PRKN: variants seen among roughly 807,000 people sequenced by gnomAD.
PRKN encodes E3 ubiquitin-protein ligase parkin.
A neutral mutation model predicts 59.5 loss-of-function variants in PRKN; 56 were observed. The observed-to-expected ratio is 0.94, with a 90% confidence interval of 0.76 to 1.18. PRKN has a LOEUF of 1.18. Among genes scored for constraint, PRKN ranks in the 50% most tolerant of loss-of-function variants. The pLI is 0.00. For synonymous variants in PRKN, 250 were observed against 222.1 expected (o/e 1.13, Z -1.12); for missense variants, 657 against 596.4 (o/e 1.10, Z -1.06).
intron 8 of PRKN, among the ~76,000 whole-genome samples, chr6:161,565,335 C>T (rs538757802): frequency 2.1e-4 from 32 of 152,228 alleles, no homozygotes; most frequent in African/African-American, 7.5e-4. Context: ...TTATTCCCTC[C>T]TCACCCTCCT....
chr6:162,413,127 C>T (rs1788429862), intron 2 of PRKN, among the ~76,000 whole-genome samples: 1 of 152,166 alleles, frequency 6.6e-6, no homozygotes, highest in African/African-American at 2.4e-5. Context: ...TAAGACCAGT[C>T]TGGTCTGAAG....
intron 1 of PRKN, among the ~76,000 whole-genome samples, chr6:162,647,391 A>C (rs981430800): frequency 6.6e-6 from 1 of 152,112 alleles, no homozygotes; most frequent in Non-Finnish European, 1.5e-5. Context: ...GCTATTTTAG[A>C]CTTAACAAAT....
chr6:161,416,368 G>C (rs969454004), intron 9 of PRKN, among the ~76,000 whole-genome samples: 1 of 152,078 alleles, frequency 6.6e-6, no homozygotes, highest in Admixed American at 6.5e-5. Flanking sequence ...ACACACTGGG[G>C]GGCAGGAACT....
intron 6 of PRKN, among the ~76,000 whole-genome samples, chr6:161,797,122 TAA>T (rs913765613): frequency 6.6e-6 from 1 of 152,242 alleles, no homozygotes; most frequent in Non-Finnish European, 1.5e-5. Context: ...AGAGTGGTTT[TAA>T]AAAGATACAT....
chr6:162,204,833 T>C (rs1784867492), intron 3 of PRKN, among the ~76,000 whole-genome samples: 1 of 151,722 alleles, frequency 6.6e-6, no homozygotes, highest in Non-Finnish European at 1.5e-5. Context: ...TTCCTTAGCC[T>C]AAGAAGTCCA....
chr6:161,950,924 G>C (rs907431219), intron 6 of PRKN, among the ~76,000 whole-genome samples: 1 of 144,582 alleles, frequency 6.9e-6, no homozygotes, highest in Non-Finnish European at 1.5e-5. Context: ...AACAAGAATC[G>C]GAATGGCTGC....
chr6:161,874,950 G>A (rs1466023778), intron 6 of PRKN, among the ~76,000 whole-genome samples: 6 of 65,736 alleles, frequency 9.1e-5, no homozygotes, highest in Admixed American at 2.1e-4. Flanking sequence ...TATATTATAG[G>A]TACTTTATAT....
At chr6:162,300,734 C>G (rs1000510275) in intron 2 of PRKN, among the ~76,000 whole-genome samples, 1 of 152,078 alleles carries the variant, frequency 6.6e-6, no homozygotes, top group Non-Finnish European at 1.5e-5. Context: ...TTCACAGGAC[C>G]AACTAACAGG....
chr6:161,531,152 C>T lies in PRKN; in HGVS notation c.1083+17702G>A, dbSNP rs189838094. ...ATCCCAGCATTTTGGGAGGCTGAGG[C>T]GGGCAGATCACGAGGTCAGGAGATC... On this transcript the variant is annotated intron_variant, in intron 9 of 11. Coordinates refer to ENST00000366898, the MANE Select transcript of PRKN (RefSeq NM_004562.3). Among the ~76,000 whole-genome samples, 649 of 151,864 alleles carry T rather than the reference C, an allele frequency of 4.3e-3. 7 individuals are homozygous for T. Among genetic ancestry groups the T allele is most frequent in the Middle Eastern group, 0.017 (5 of 294 alleles).
Position 161,907,680 on chromosome 6 carries a change from C to G in PRKN, c.734+65622G>C, listed in dbSNP as rs568652891. Among the ~76,000 whole-genome samples the G allele has an allele frequency of 3.3e-5, 5 of 152,242 alleles. No homozygotes were observed. The South Asian group carries it at 1.0e-3, about 32-fold the overall frequency. On this transcript the variant is annotated intron_variant, in intron 6 of 11. Coordinates refer to ENST00000366898, the MANE Select transcript of PRKN (RefSeq NM_004562.3). ...GCATGAAAGTGACGTAAGACGTGAG[C>G]CAGGATGGTCTGTAGAGTTCGGACT...
chr6:161,886,004 C>T (rs1407438918), intron 6 of PRKN, among the ~76,000 whole-genome samples: 1 of 152,084 alleles, frequency 6.6e-6, no homozygotes, highest in East Asian at 1.9e-4. Context: ...GTGAAATGCT[C>T]TAGGTTTAAC....
At chr6:162,009,081 C>T (rs961133472) in intron 5 of PRKN, among the ~76,000 whole-genome samples, 4 of 151,796 alleles carry the variant, frequency 2.6e-5, no homozygotes, top group African/African-American at 4.9e-5. Context: ...GGTGAAACCC[C>T]GTCTTTACTA....
At chr6:162,070,493 G>T (rs1467573636) in intron 4 of PRKN, among the ~76,000 whole-genome samples, 1 of 152,092 alleles carries the variant, frequency 6.6e-6, no homozygotes, top group Non-Finnish European at 1.5e-5. Context: ...TCTTTTGCAT[G>T]GCCGAGTGGA....
intron 9 of PRKN, among the ~76,000 whole-genome samples, chr6:161,532,891 C>A (rs566734110): frequency 6.6e-6 from 1 of 152,062 alleles, no homozygotes; most frequent in Non-Finnish European, 1.5e-5. Context: ...TTGTCACTTG[C>A]GGGACTTTTC....
chr6:162,689,106 T>C (rs1777674847), intron 1 of PRKN, among the ~76,000 whole-genome samples: 1 of 152,240 alleles, frequency 6.6e-6, no homozygotes, highest in South Asian at 2.1e-4. Flanking sequence ...TAGATGCTCC[T>C]AATTTGTCAA....
chr6:161,523,796 C>G (rs558197795), intron 9 of PRKN, among the ~76,000 whole-genome samples: 1 of 152,130 alleles, frequency 6.6e-6, no homozygotes, highest in Admixed American at 6.5e-5. Flanking sequence ...CTCCTCTTCT[C>G]CCTCCTGTTA....
intron 1 of PRKN, among the ~76,000 whole-genome samples, chr6:162,657,667 A>G (rs796963682): frequency 6.6e-6 from 1 of 152,204 alleles, no homozygotes; most frequent in South Asian, 2.1e-4. Context: ...GCTGAAAGAA[A>G]ACACCTGTAA....
chr6:161,949,958 C>T (rs1779925676), intron 6 of PRKN, among the ~76,000 whole-genome samples: 1 of 152,190 alleles, frequency 6.6e-6, no homozygotes, highest in South Asian at 2.1e-4. Flanking sequence ...AGCATCTCCT[C>T]ATGGGGCAAA....
chr6:161,382,371 A>G (rs1415876289), intron 10 of PRKN, among the ~76,000 whole-genome samples: 2 of 150,618 alleles, frequency 1.3e-5, no homozygotes, highest in Non-Finnish European at 3.0e-5. Flanking sequence ...CAGACACTGT[A>G]GATCTATTAG....
Sources: allele counts gnomAD v4.1 joint callset (sites outside exome capture counted in the v4.1 genomes callset), GRCh38; gene constraint gnomAD v4.1.1; transcripts MANE v1.5; gene names NCBI Gene and HGNC (gene_info 2026-07-23, HGNC 2026-07-21).